Variants in PPP3CB observed in about 807,000 individuals in gnomAD.
PPP3CB encodes the protein protein phosphatase 3 catalytic subunit beta.
Under a neutral mutation model 66.4 loss-of-function variants are expected in PPP3CB, and 8 were observed. The ratio of observed to expected loss-of-function variants is 0.12; its 90% CI spans 0.07 to 0.22. The LOEUF (loss-of-function observed/expected upper bound fraction) is 0.22, where lower values mean the gene tolerates loss of function less well. PPP3CB is among the 10% of genes least tolerant of loss of function. The probability of loss-of-function intolerance (pLI) is 1.00; values close to 1 mark genes in which losing one functional copy is unlikely to be tolerated. For missense variants in PPP3CB, 319 were observed against 642.5 expected (o/e 0.50, Z 5.44); for synonymous variants, 208 against 221.2 (o/e 0.94, Z 0.53).
intron 8 of PPP3CB, among the ~76,000 whole-genome samples, chr10:73,469,900 G>C (rs1205978390): frequency 6.6e-6 from 1 of 152,172 alleles, no homozygotes; most frequent in African/African-American, 2.4e-5. Context: ...GACATGTCAA[G>C]ACAGAAGAGA....
chr10:73,477,670 A>G (rs892148593), intron 3 of PPP3CB, among the ~76,000 whole-genome samples: 2 of 152,186 alleles, frequency 1.3e-5, no homozygotes, highest in African/African-American at 4.8e-5. Flanking sequence ...TAATCTCAAC[A>G]CTTTGGGAGT....
intron 2 of PPP3CB, among the ~76,000 whole-genome samples, chr10:73,479,101 A>G (rs982362141): frequency 6.6e-6 from 1 of 152,196 alleles, no homozygotes; most frequent in Non-Finnish European, 1.5e-5. Context: ...TCACAAAAGC[A>G]TATTAGACTA....
chr10:73,471,025 A>G (rs2056693709), intron 6 of PPP3CB, 45 bp downstream of exon 6: 1 of 1,598,726 alleles, frequency 6.3e-7, no homozygotes, highest in Non-Finnish European at 8.6e-7. Context: ...AGCATATGCT[A>G]TGTTAACAAC....
intron 10 of PPP3CB, among the ~76,000 whole-genome samples, chr10:73,450,944 C>T (rs569865033): frequency 3.3e-4 from 50 of 152,146 alleles, no homozygotes; most frequent in African/African-American, 1.2e-3. Flanking sequence ...GATAAATTAT[C>T]ATACTAATAG....
chr10:73,495,895 GCCC>G lies in PPP3CB; in HGVS notation c.-9_-7del. The G allele has an allele frequency of 2.9e-6, 3 of 1,050,004 alleles. No homozygotes were observed. Among genetic ancestry groups the G allele is most frequent in the Non-Finnish European group, 3.7e-6 (3 of 810,348 alleles). 65.0% of individuals were successfully genotyped at this position (1,050,004 alleles called of 1,614,324 possible). On this transcript the variant is annotated 5_prime_UTR_variant, in exon 1 of 14. Transcript: ENST00000360663. Reference sequence around the variant, plus strand: ...GCCGGCTCCGGGGCGGCCATGCTGGGCCCGGGGCTCGGCTAGGCTCTGGGCCGG... The same window carrying G: ...GCCGGCTCCGGGGCGGCCATGCTGGGGGGGCTCGGCTAGGCTCTGGGCCGG...
At chr10:73,462,652 G>A (rs1356330764) in intron 9 of PPP3CB, among the ~76,000 whole-genome samples, 1 of 151,960 alleles carries the variant, frequency 6.6e-6, no homozygotes, top group African/African-American at 2.4e-5. Flanking sequence ...TGACTAGTAA[G>A]AAAATGACTT....
chr10:73,455,166 G>A (rs1424419826), intron 9 of PPP3CB, among the ~76,000 whole-genome samples: 1 of 151,954 alleles, frequency 6.6e-6, no homozygotes, highest in African/African-American at 2.4e-5. Context: ...TACAGGCGTA[G>A]GCCACTGCGC....
chr10:73,493,874 G>T lies in PPP3CB; in HGVS notation c.85+1931C>A, dbSNP rs138812381. On this transcript the variant is annotated intron_variant, in intron 1 of 13. Transcript: ENST00000360663. The stretch of plus-strand genomic sequence containing the variant: ...CTTGGACTCACAACTCACCCCTAAG[G>T]AATCTGCCTTATGTTTGGAATCTTA... Among the ~76,000 whole-genome samples, 113 of 152,150 alleles carry T rather than the reference G, an allele frequency of 7.4e-4. 1 individual carries two copies. In the East Asian group the frequency reaches 0.021, roughly 28 times the overall value.
intron 9 of PPP3CB, among the ~76,000 whole-genome samples, chr10:73,455,047 A>G (rs1186374590): frequency 3.5e-5 from 5 of 141,116 alleles, no homozygotes; most frequent in African/African-American, 1.0e-4. Flanking sequence ...TAATTTTTGT[A>G]TTTTTTTTTT....
intron 2 of PPP3CB, 28 bp from the exon 3 acceptor site, chr10:73,478,651 G>T: frequency 6.3e-7 from 1 of 1,590,724 alleles, no homozygotes. Flanking sequence ...TTAGATAAGG[G>T]AAAAAAATCT....
At chr10:73,466,977 T>C (rs1280073269) in intron 9 of PPP3CB, 1 of 152,196 alleles carries the variant, frequency 6.6e-6, no homozygotes, top group Non-Finnish European at 1.5e-5. Context: ...AAATAGCATT[T>C]ATTTTCTCTC....
At chr10:73,453,392 T>C (rs2056376000) in intron 10 of PPP3CB, among the ~76,000 whole-genome samples, 1 of 152,204 alleles carries the variant, frequency 6.6e-6, no homozygotes, top group South Asian at 2.1e-4. Flanking sequence ...AATGAGATTA[T>C]GAAAATTAAA....
chr10:73,437,558 G>A lies in PPP3CB; in HGVS notation c.*684C>T, dbSNP rs978515148. The A allele has an allele frequency of 1.3e-5, 2 of 152,482 alleles. No individual in the cohort carries two copies. Among genetic ancestry groups the A allele is most frequent in the African/African-American group, 4.8e-5 (2 of 41,398 alleles). The allele number at this position is 152,482 out of a possible 1,614,324, so 9.4% of individuals were successfully genotyped here. On this transcript the variant is annotated 3_prime_UTR_variant, in exon 14 of 14. Coordinates refer to ENST00000360663, the MANE Select transcript of PPP3CB (RefSeq NM_021132.4). ...TTAGAGGTTTTCTTCTTAAATCTCTGGGGTGTAAGTCTTAAAAGATCTGGG... is the reference window on the plus strand; with the variant it reads ...TTAGAGGTTTTCTTCTTAAATCTCTAGGGTGTAAGTCTTAAAAGATCTGGG...
At chr10:73,439,353 T>C (rs953537454) in intron 13 of PPP3CB, among the ~76,000 whole-genome samples, 2 of 152,162 alleles carry the variant, frequency 1.3e-5, no homozygotes, top group East Asian at 1.9e-4. Flanking sequence ...ATCCATAAAC[T>C]ATAGCCCAAA....
At position 73,491,022 on chromosome 10, in the gene PPP3CB, G is replaced by GTTTTTTTTTTTTTTTTTTT. The variant is rs528238766; in HGVS notation, c.85+4764_85+4782dup. On this transcript the variant is annotated intron_variant, in intron 1 of 13. Transcript: ENST00000360663. The stretch of plus-strand genomic sequence containing the variant: ...TAATTTTTGTTTGTTTGTTTTTATT[G>GTTTTTTTTTTTTTTTTTTT]TTTTTTTTTTTTTTTTTTTTTTTTT... Among the ~76,000 whole-genome samples the GTTTTTTTTTTTTTTTTTTT allele has an allele frequency of 4.9e-4, 20 of 40,908 alleles. 1 individual carries two copies. Among genetic ancestry groups the GTTTTTTTTTTTTTTTTTTT allele is most frequent in the Admixed American group, 7.3e-4 (2 of 2,728 alleles). 26.8% of individuals were successfully genotyped at this position (40,908 alleles called of 152,430 possible). A position where few individuals can be genotyped will look rare whatever the true frequency, so the allele number is the denominator to read the frequency against.
intron 1 of PPP3CB, among the ~76,000 whole-genome samples, chr10:73,489,099 T>C (rs7083472): frequency 0.047 from 7,104 of 152,286 alleles, 508 homozygotes; most frequent in African/African-American, 0.15. Flanking sequence ...CTAACTACAA[T>C]TGCCCAATTT....
In PPP3CB at chr10:73,471,176, G is replaced by C. The variant is rs1340780399; in HGVS notation, c.703C>G (p.Pro235Ala). ...TCGGACCATAACAAGTCACACATTG[G>C]TCCAAATGCAGGTGGCTCTTTGAAT... ...DRFKEPPAFG[P>A]MCDLLWSDPS... The change falls in exon 6 of 14, where the codon CCA becomes GCA. Residue 235 changes from proline (P) to alanine (A), a missense_variant. Physicochemically the swap from Pro to Ala is conservative, Grantham distance 27. Coordinates refer to ENST00000360663, the MANE Select transcript of PPP3CB (RefSeq NM_021132.4). 13 of 1,608,584 alleles carry C rather than the reference G, an allele frequency of 8.1e-6. No individual in the cohort carries two copies. Among genetic ancestry groups the C allele is most frequent in the Non-Finnish European group, 1.1e-5 (13 of 1,175,944 alleles).
At chr10:73,479,269 T>TAAATAATGACATAATAA (rs2056837034) in intron 2 of PPP3CB, 48 bp downstream of exon 2, 2 of 1,540,530 alleles carry the variant, frequency 1.3e-6, no homozygotes, top group Non-Finnish European at 1.8e-6. Flanking sequence ...TCCAGGCAAC[T>TAAATAATGACATAATAA]AAATAATGAC....
At chr10:73,481,142 T>C (rs1025738676) in intron 1 of PPP3CB, among the ~76,000 whole-genome samples, 1 of 150,372 alleles carries the variant, frequency 6.7e-6, no homozygotes, top group Admixed American at 6.6e-5. Flanking sequence ...GTAAGGCAGC[T>C]CCCTCTTTCC....
Sources: allele counts gnomAD v4.1 joint callset (sites outside exome capture counted in the v4.1 genomes callset), GRCh38; gene constraint gnomAD v4.1.1; transcripts MANE v1.5; gene names NCBI Gene and HGNC (gene_info 2026-07-23, HGNC 2026-07-21).